UNC79: variants seen among roughly 807,000 people sequenced by gnomAD.
UNC79 encodes unc-79 subunit of NALCN channel complex, also known as protein unc-79 homolog.
Under a neutral mutation model 283.1 loss-of-function variants are expected in UNC79, and 37 were observed. The ratio of observed to expected loss-of-function variants is 0.13; its 90% confidence interval spans 0.10 to 0.17. UNC79 has a LOEUF of 0.17. UNC79 is among the 10% of genes least tolerant of loss of function. The probability of loss-of-function intolerance (pLI) is 1.00; values close to 1 mark genes in which losing one functional copy is unlikely to be tolerated. For synonymous variants in UNC79, 1,107 were observed against 1,200.2 expected, an observed-to-expected ratio of 0.92 and a Z score of 1.61; for missense variants, 2,272 against 3,211.1, an observed-to-expected ratio of 0.71 and a Z score of 7.07.
chr14:93,437,829 T>C (rs1452108042), intron 1 of UNC79, among the ~76,000 whole-genome samples: 1 of 152,174 alleles, frequency 6.6e-6, no homozygotes, highest in African/African-American at 2.4e-5. Flanking sequence ...CTCCTTCCTC[T>C]TATAAACACA....
chr14:93,460,765 C>A (rs1252217702), intron 1 of UNC79, among the ~76,000 whole-genome samples: 2 of 152,090 alleles, frequency 1.3e-5, no homozygotes, highest in Non-Finnish European at 2.9e-5. Flanking sequence ...GCACCTCACT[C>A]CTGTAATCCT....
chr14:93,607,235 A>C (rs1318388281), intron 26 of UNC79, among the ~76,000 whole-genome samples: 1 of 152,216 alleles, frequency 6.6e-6, no homozygotes, highest in Non-Finnish European at 1.5e-5. Context: ...ATACTGAACT[A>C]ATGGTATCAA....
intron 4 of UNC79, among the ~76,000 whole-genome samples, chr14:93,484,627 A>T (rs1294335781): frequency 6.6e-6 from 1 of 151,978 alleles, no homozygotes; most frequent in Non-Finnish European, 1.5e-5. Flanking sequence ...TAAATGCAAA[A>T]TTTTCTTATT....
At chr14:93,427,426 T>TA (rs1414748687), upstream of UNC79, among the ~76,000 whole-genome samples, 12 of 152,268 alleles carry the variant, frequency 7.9e-5, 1 homozygote, top group African/African-American at 2.6e-4. Flanking sequence ...TATAGAAAAT[T>TA]AAAAAACATG....
intron 7 of UNC79, among the ~76,000 whole-genome samples, chr14:93,522,907 G>T (rs2060387874): frequency 6.6e-6 from 1 of 152,098 alleles, no homozygotes; most frequent in South Asian, 2.1e-4. Flanking sequence ...AAGGTGGGAA[G>T]CTCCTAGGTA....
intron 1 of UNC79, among the ~76,000 whole-genome samples, chr14:93,407,831 G>A (rs1257047722): frequency 6.6e-6 from 1 of 152,160 alleles, no homozygotes; most frequent in Non-Finnish European, 1.5e-5. Flanking sequence ...TCACAAGGAA[G>A]AGAGATGAAA....
intron 1 of UNC79, among the ~76,000 whole-genome samples, chr14:93,443,584 C>T (rs539330688): frequency 1.3e-4 from 20 of 152,016 alleles, no homozygotes; most frequent in African/African-American, 2.4e-4. Context: ...CCACCATGCC[C>T]GGCTAATTTT....
At chr14:93,349,132 C>G (rs1034915054) in intron 1 of UNC79, among the ~76,000 whole-genome samples, 7 of 152,268 alleles carry the variant, frequency 4.6e-5, no homozygotes, top group African/African-American at 1.7e-4. Flanking sequence ...TCTGAAGGAA[C>G]AAACTCCGGA....
chr14:93,523,134 T>C (rs17129086), intron 7 of UNC79, among the ~76,000 whole-genome samples: 46,712 of 152,020 alleles, frequency 0.31, 7,550 homozygotes, highest in East Asian at 0.65. Flanking sequence ...ATGTTTTTAA[T>C]GATGGAATAT....
chr14:93,655,431 T>C lies in UNC79; in HGVS notation c.6456+24T>C, dbSNP rs369137819. ...AGGTAAGCTGAGCCGAAGGTTTCATTTTCAATTAATTTCTTACCATTTTCA... is the reference window on the plus strand; with the variant it reads ...AGGTAAGCTGAGCCGAAGGTTTCATCTTCAATTAATTTCTTACCATTTTCA... On this transcript the variant is annotated intron_variant, in intron 38 of 48. Transcript: ENST00000555664. 31 of 1,605,936 alleles carry C rather than the reference T, an allele frequency of 1.9e-5. 1 individual carries two copies. The highest frequency in any genetic ancestry group is 2.6e-5 in the Non-Finnish European group (30 of 1,175,432).
intron 31 of UNC79, among the ~76,000 whole-genome samples, chr14:93,635,930 T>C (rs896154716): frequency 5.3e-5 from 8 of 152,196 alleles, no homozygotes; most frequent in African/African-American, 1.2e-4. Flanking sequence ...GATGAAGCGA[T>C]GTAAGGAACT....
rs1168892831 is a variant in UNC79 at position 93,417,012 on chromosome 14, TC to T, written c.-350-50657del. Among the ~76,000 whole-genome samples, 3 of 152,126 alleles carry T rather than the reference TC, an allele frequency of 2.0e-5. No individual in the cohort carries two copies. The East Asian group carries it at 5.8e-4, about 29-fold the overall frequency. On this transcript the variant is annotated intron_variant, in intron 1 of 49. Transcript: ENST00000256339. The stretch of plus-strand genomic sequence containing the variant: ...TGTGTCTTTTAATTGGAGCATTTAG[TC>T]CATTTACATTTAAAGTTAATATTGT...
At chr14:93,649,209 ATAT>A (rs895677538) in intron 35 of UNC79, among the ~76,000 whole-genome samples, 2 of 152,130 alleles carry the variant, frequency 1.3e-5, no homozygotes, top group Admixed American at 6.6e-5. Flanking sequence ...ACATAAGATG[ATAT>A]TATTGTTGAC....
intron 14 of UNC79, among the ~76,000 whole-genome samples, chr14:93,553,838 C>T (rs931047513): frequency 2.6e-5 from 4 of 152,114 alleles, no homozygotes; most frequent in Admixed American, 6.5e-5. Flanking sequence ...CCTCAGAGGA[C>T]CTACTACACA....
intron 40 of UNC79, among the ~76,000 whole-genome samples, chr14:93,663,681 C>G (rs1353827188): frequency 6.6e-6 from 1 of 152,100 alleles, no homozygotes; most frequent in Non-Finnish European, 1.5e-5. Flanking sequence ...ATTACCCTGC[C>G]TGGAGCAATA....
intron 1 of UNC79, chr14:93,347,263 C>T (rs759631639): frequency 1.4e-5 from 22 of 1,599,914 alleles, no homozygotes; most frequent in Non-Finnish European, 1.9e-5. Flanking sequence ...TCTCACCTGA[C>T]GCGATATGCC....
intron 1 of UNC79, among the ~76,000 whole-genome samples, chr14:93,366,571 C>CT (rs370391512): frequency 1.8e-3 from 250 of 139,636 alleles, no homozygotes; most frequent in Middle Eastern, 7.6e-3. Context: ...TTTTTTTATT[C>CT]TTTTTTTTTT....
At chr14:93,615,767 GA>G (rs1467334724) in intron 27 of UNC79, among the ~76,000 whole-genome samples, 25 of 100,460 alleles carry the variant, frequency 2.5e-4, no homozygotes, top group Non-Finnish European at 3.9e-4. Context: ...AAGAAGAAAA[GA>G]AAAAAAGAAA....
chr14:93,520,148 A>G (rs992892177), intron 7 of UNC79, among the ~76,000 whole-genome samples: 9 of 151,842 alleles, frequency 5.9e-5, no homozygotes, highest in Admixed American at 2.6e-4. Context: ...TTTCATACTC[A>G]TTTTTGAAGG....
Sources: allele counts gnomAD v4.1 joint callset (sites outside exome capture counted in the v4.1 genomes callset), GRCh38; gene constraint gnomAD v4.1.1; transcripts MANE v1.5; gene names NCBI Gene and HGNC (gene_info 2026-07-23, HGNC 2026-07-21).